Variants in PDXDC1 observed in about 807,000 individuals in gnomAD.
PDXDC1 encodes the protein pyridoxal dependent decarboxylase domain containing 1.
Under a neutral mutation model 100.1 loss-of-function variants are expected in PDXDC1, and 42 were observed. The ratio of observed to expected loss-of-function variants is 0.42; its 90% CI spans 0.33 to 0.54. The LOEUF (loss-of-function observed/expected upper bound fraction) is 0.54, where lower values mean the gene tolerates loss of function less well. Ranked by LOEUF, PDXDC1 falls within the 20% of genes least tolerant of loss-of-function variation. PDXDC1 has a pLI of 0.10. For missense variants in PDXDC1, 636 were observed against 979.2 expected, an observed-to-expected ratio of 0.65 and a Z score of 4.68; for synonymous variants, 260 against 371.7, an observed-to-expected ratio of 0.70 and a Z score of 3.46.
rs113182174 is a variant in PDXDC1, at chr16:15,031,595, T to C, written c.1400-140T>C. 1.4e-3 allele frequency: 934 copies of C among 645,520 alleles called. 10 individuals are homozygous for C. The African/African-American group carries it at 0.015, about 10-fold the overall frequency. The allele number at this position is 645,520 out of a possible 1,614,324, so 40.0% of individuals were successfully genotyped here. ...TTCTTCCATATCTGTGTTGAGGGCC[T>C]TTTTTTGTTTAAATCTCCATGGCTC... is the stretch of plus-strand genomic sequence containing the variant. On this transcript the variant is annotated intron_variant, in intron 16 of 22. Coordinates refer to ENST00000396410, the MANE Select transcript of PDXDC1 (RefSeq NM_015027.4).
rs761004890 is a variant in PDXDC1, at chr16:15,038,042, GAGA to G, written c.*1771_*1773del. The G allele has an allele frequency of 1.2e-5, 19 of 1,611,280 alleles. No individual in the cohort carries two copies. The highest frequency in any genetic ancestry group is 2.2e-5 in the South Asian group (2 of 90,628). ...GTAATTCATGTTTTTTAACTTCCTG[GAGA>G]AGAGATCTTTTCCCACAAGCCATCT... On this transcript the variant is annotated 3_prime_UTR_variant, in exon 23 of 23. Transcript: ENST00000396410.
chr16:15,122,782 G>T (rs1201290822), intron 16 of PDXDC1, among the ~76,000 whole-genome samples: 1 of 140,310 alleles, frequency 7.1e-6, no homozygotes, highest in East Asian at 2.2e-4. Flanking sequence ...GGGCAGGGGG[G>T]AGGGAAGGGG....
intron 16 of PDXDC1, chr16:15,072,820 A>G: frequency 3.3e-6 from 3 of 904,486 alleles, no homozygotes; most frequent in South Asian, 1.6e-5. Context: ...GATTTTATTA[A>G]GCAGACTAGC....
chr16:15,078,741 G>A (rs1373554471), intron 16 of PDXDC1, among the ~76,000 whole-genome samples: 3 of 151,584 alleles, frequency 2.0e-5, no homozygotes, highest in Non-Finnish European at 4.4e-5. Flanking sequence ...TCTCTGGTAG[G>A]CTGCCCACCA....
rs180743077 is a variant in PDXDC1, at chr16:15,051,338, T to G, written c.1399+21282T>G. Among the ~76,000 whole-genome samples the G allele has an allele frequency of 4.6e-5, 7 of 152,300 alleles. No individual in the cohort carries two copies. The East Asian group carries it at 1.2e-3, about 25-fold the overall frequency. Reference sequence around the variant, plus strand: ...AGAGAATGCCAGAAAACTAAAACAGTAGACTGCTTTGCTCTATTTTTTAAT... The same window carrying G: ...AGAGAATGCCAGAAAACTAAAACAGGAGACTGCTTTGCTCTATTTTTTAAT... On this transcript the variant is annotated intron_variant, in intron 16 of 16. Transcript: ENST00000535621.
At chr16:15,067,713 T>C (rs1471988574) in intron 16 of PDXDC1, among the ~76,000 whole-genome samples, 1 of 152,028 alleles carries the variant, frequency 6.6e-6, no homozygotes, top group Admixed American at 6.6e-5. Context: ...GCCATCAAAG[T>C]ATAAAAACAA....
chr16:15,143,680 C>T (rs577153724), downstream of PDXDC1, among the ~76,000 whole-genome samples: 2 of 152,322 alleles, frequency 1.3e-5, no homozygotes, highest in East Asian at 1.9e-4. Context: ...GAGCCGGGGT[C>T]GGGGCGTGCA....
At chr16:14,985,807 C>T (rs575104538) in intron 1 of PDXDC1, among the ~76,000 whole-genome samples, 21 of 152,394 alleles carry the variant, frequency 1.4e-4, no homozygotes, top group Admixed American at 5.2e-4. Context: ...AGCATAAAAA[C>T]GATTCTTGGC....
downstream of PDXDC1, among the ~76,000 whole-genome samples, chr16:15,142,168 A>C (rs1037276882): frequency 1.3e-5 from 2 of 152,146 alleles, no homozygotes; most frequent in Admixed American, 6.5e-5. Flanking sequence ...AAATCCATCA[A>C]GAGTGGCTGC....
chr16:15,148,355 T>C, the PDXDC1 span, among the ~76,000 whole-genome samples: 3 of 149,504 alleles, frequency 2.0e-5, no homozygotes, highest in Non-Finnish European at 4.4e-5. Flanking sequence ...GAGAAATCTC[T>C]GTTCAGATCC....
chr16:15,011,631 C>CTTTT, intron 8 of PDXDC1, among the ~76,000 whole-genome samples: 6 of 131,276 alleles, frequency 4.6e-5, no homozygotes, highest in African/African-American at 8.4e-5. Flanking sequence ...ACATTTTTTT[C>CTTTT]TTTTTTTTTT....
At chr16:15,048,597 G>C (rs899324837) in intron 16 of PDXDC1, among the ~76,000 whole-genome samples, 6 of 152,110 alleles carry the variant, frequency 3.9e-5, no homozygotes, top group African/African-American at 1.4e-4. Context: ...CACAGGAATA[G>C]TGGATGGATG....
At chr16:15,004,853 G>A (rs1475968827) in intron 5 of PDXDC1, among the ~76,000 whole-genome samples, 25 of 152,246 alleles carry the variant, frequency 1.6e-4, no homozygotes, top group Non-Finnish European at 2.5e-4. Flanking sequence ...TACCTAATAC[G>A]ATGTAAATGC....
chr16:15,044,730 T>A (rs368791456), intron 16 of PDXDC1: 3 of 325,162 alleles, frequency 9.2e-6, no homozygotes, highest in African/African-American at 6.3e-5. Flanking sequence ...ACATCTGTAA[T>A]CCTAGCACTT....
chr16:15,087,903 T>G (rs559251023), intron 16 of PDXDC1, among the ~76,000 whole-genome samples: 1 of 151,604 alleles, frequency 6.6e-6, no homozygotes, highest in South Asian at 2.1e-4. Flanking sequence ...TCACCTGAGG[T>G]TGGGAGTTCG....
intron 16 of PDXDC1, chr16:15,085,740 T>C (rs769690538): frequency 3.7e-6 from 6 of 1,609,666 alleles, no homozygotes; most frequent in Non-Finnish European, 5.1e-6. Context: ...GTCATTGATC[T>C]AGACAATGAA....
chr16:15,054,361 A>G (rs184416222), intron 16 of PDXDC1, among the ~76,000 whole-genome samples: 23 of 152,314 alleles, frequency 1.5e-4, no homozygotes, highest in Non-Finnish European at 2.8e-4. Flanking sequence ...TATGTCACCA[A>G]ATCTCCCTCC....
At chr16:15,143,254 T>C (rs1341872862), downstream of PDXDC1, among the ~76,000 whole-genome samples, 3 of 152,042 alleles carry the variant, frequency 2.0e-5, no homozygotes, top group African/African-American at 7.2e-5. Flanking sequence ...GTCCCAGGTG[T>C]GTGGCCACAG....
rs1245169997 is a variant in PDXDC1 at position 15,029,000 on chromosome 16, G to GT, written c.1293+35dup. 2.5e-6 allele frequency: 4 copies of GT among 1,601,752 alleles called. No homozygotes were observed. The Admixed American group carries it at 5.0e-5, about 20-fold the overall frequency. ...GGCAGTCACCCCCCTTTCCTTTCAG[G>GT]TCCCCGTCCATCACCATCCGACCTG... On this transcript the variant is annotated intron_variant, in intron 15 of 22. Coordinates refer to ENST00000396410, the MANE Select transcript of PDXDC1 (RefSeq NM_015027.4).
Sources: gnomAD v4.1 joint callset for allele counts (sites outside exome capture counted in the v4.1 genomes callset) on GRCh38, gnomAD v4.1.1 for gene constraint, MANE v1.5 for transcripts, NCBI Gene and HGNC (gene_info 2026-07-23, HGNC 2026-07-21) for gene names.